DARS2: variants seen among roughly 807,000 people sequenced by gnomAD.
DARS2 encodes aspartyl-tRNA synthetase 2, mitochondrial, also known as aspartate--tRNA ligase, mitochondrial.
A neutral mutation model predicts 83.0 loss-of-function variants in DARS2; 63 were observed. The ratio of observed to expected loss-of-function variants is 0.76; its 90% CI spans 0.62 to 0.94. The LOEUF is 0.94. Among genes scored for constraint, DARS2 ranks in the 40% least tolerant of loss-of-function variants. The pLI, the probability that DARS2 is intolerant of heterozygous loss-of-function variation, is 0.00. For synonymous variants in DARS2, 250 were observed against 269.3 expected, an observed-to-expected ratio of 0.93 and a Z score of 0.70; for missense variants, 675 against 774.4, an observed-to-expected ratio of 0.87 and a Z score of 1.52.
Position 173,857,876 on chromosome 1 carries a change from T to C in DARS2, c.*171T>C, listed in dbSNP as rs972902827. ...GAAGAAACAGATAAAAGATACCCAATTTTGACTTGATTTCATGCATCATTT... is the reference window on the plus strand; with the variant it reads ...GAAGAAACAGATAAAAGATACCCAACTTTGACTTGATTTCATGCATCATTT... On this transcript the variant is annotated 3_prime_UTR_variant, in exon 17 of 17. Coordinates refer to ENST00000649689, the MANE Select transcript of DARS2 (RefSeq NM_018122.5). 8.9e-5 allele frequency: 66 copies of C among 739,294 alleles called. 1 individual carries two copies. The South Asian group carries it at 1.0e-3, about 11-fold the overall frequency. 45.8% of individuals were successfully genotyped at this position (739,294 alleles called of 1,614,324 possible). A position where few individuals can be genotyped will look rare whatever the true frequency, so the allele number is the denominator to read the frequency against.
intron 13 of DARS2, among the ~76,000 whole-genome samples, chr1:173,852,796 C>G (rs1220057993): frequency 1.3e-5 from 2 of 152,122 alleles, no homozygotes; most frequent in Non-Finnish European, 2.9e-5. Flanking sequence ...AGCCACTGCA[C>G]CCCTCCGCAC....
rs746694330 is a variant in DARS2, at chr1:173,837,037, G to A, written c.761G>A (p.Gly254Asp). 6.2e-6 allele frequency: 10 copies of A among 1,613,628 alleles called. No individual in the cohort carries two copies. In the South Asian group the frequency reaches 9.9e-5, roughly 16 times the overall value. ...TTTAAGCAACTTCTGATGGTTGGCG[G>A]TTTAGACAGGTGAGCTTTTTTTATG... ...QQFKQLLMVG[G>D]LDRYFQVARC... Residue 254 changes from glycine to aspartate, a missense_variant, in exon 8 of 17, where the codon GGT becomes GAT. Gly to Asp is a moderately conservative substitution (Grantham distance 94, BLOSUM62 -1). Coordinates refer to ENST00000649689, the MANE Select transcript of DARS2 (RefSeq NM_018122.5).
intron 2 of DARS2, 128 bp downstream of exon 2, chr1:173,826,914 C>G (rs954714228): frequency 1.3e-6 from 1 of 751,870 alleles, no homozygotes; most frequent in African/African-American, 1.7e-5. Context: ...TAAGAACTTA[C>G]TGAATTTTCA....
intron 6 of DARS2, among the ~76,000 whole-genome samples, chr1:173,834,064 T>C (rs1481837599): frequency 1.3e-5 from 2 of 152,062 alleles, no homozygotes; most frequent in Non-Finnish European, 2.9e-5. Flanking sequence ...ACCCAGCCAG[T>C]TTTCTTAATT....
chr1:173,850,224 C>T, intron 12 of DARS2, 103 bp from the exon 13 acceptor site: 4 of 1,270,768 alleles, frequency 3.1e-6, no homozygotes, highest in Non-Finnish European at 4.3e-6. Context: ...CTTTTAAATT[C>T]TCTTCTATTG....
At chr1:173,831,354 C>A (rs570742976) in intron 4 of DARS2, among the ~76,000 whole-genome samples, 181 bp from the exon 5 acceptor site, 6 of 152,138 alleles carry the variant, frequency 3.9e-5, no homozygotes, top group Non-Finnish European at 8.8e-5. Flanking sequence ...GATATCTGAA[C>A]ACATCAGCCA....
intron 13 of DARS2, chr1:173,852,376 AT>A: frequency 1.9e-6 from 1 of 528,992 alleles, no homozygotes; most frequent in Non-Finnish European, 2.4e-6. Flanking sequence ...TACTGTTGCT[AT>A]TTTAAAAATA....
intron 12 of DARS2, among the ~76,000 whole-genome samples, chr1:173,849,320 A>G (rs571658345): frequency 2.0e-5 from 3 of 151,848 alleles, no homozygotes; most frequent in Non-Finnish European, 4.4e-5. Flanking sequence ...GATCGCTTGA[A>G]GTCAGGAGTT....
intron 6 of DARS2, 47 bp from the exon 7 acceptor site, chr1:173,834,426 A>G (rs1424518959): frequency 2.1e-6 from 3 of 1,441,696 alleles, no homozygotes; most frequent in Non-Finnish European, 2.0e-6. Context: ...ATATATGACA[A>G]ATTTCACATT....
intron 7 of DARS2, among the ~76,000 whole-genome samples, chr1:173,836,181 T>C (rs1287935188): frequency 1.3e-5 from 2 of 151,952 alleles, no homozygotes; most frequent in East Asian, 3.9e-4. Context: ...GATTGTACCA[T>C]TGCACTCCAA....
intron 11 of DARS2, among the ~76,000 whole-genome samples, chr1:173,842,284 CTTTTTTTTTTTTTTT>C (rs1178547914): frequency 1.4e-3 from 90 of 64,258 alleles, no homozygotes; most frequent in African/African-American, 5.5e-3. Context: ...TCATTACTTT[CTTTTTTTTTTTTTTT>C]TTTTTTTTTT....
At chr1:173,830,556 T>C in intron 3 of DARS2, 104 bp from the exon 4 acceptor site, 1 of 935,928 alleles carries the variant, frequency 1.1e-6, no homozygotes, top group Non-Finnish European at 1.7e-6. Flanking sequence ...TTTATGGTAA[T>C]TAAGCTGTGA....
At chr1:173,835,689 C>A (rs1557856857) in intron 7 of DARS2, among the ~76,000 whole-genome samples, 1 of 151,840 alleles carries the variant, frequency 6.6e-6, no homozygotes, top group Non-Finnish European at 1.5e-5. Context: ...GGGCAGATCA[C>A]CTGAGGTCAG....
chr1:173,829,016 ATACTC>A (rs1029254485), intron 3 of DARS2, among the ~76,000 whole-genome samples: 10 of 152,314 alleles, frequency 6.6e-5, no homozygotes, highest in South Asian at 6.2e-4. Context: ...TTACAATACA[ATACTC>A]TACTCAGCCG....
At chr1:173,830,818 G>A (rs146039643) in intron 4 of DARS2, 57 bp downstream of exon 4, 2 of 1,316,698 alleles carry the variant, frequency 1.5e-6, no homozygotes, top group South Asian at 1.2e-5. Flanking sequence ...TGCACCATCT[G>A]TGTACACATT....
intron 12 of DARS2, among the ~76,000 whole-genome samples, chr1:173,847,922 G>T (rs1327650752): frequency 6.9e-6 from 1 of 143,950 alleles, no homozygotes. Flanking sequence ...GTGCCATCTC[G>T]GCTCACTGCA....
intron 7 of DARS2, among the ~76,000 whole-genome samples, chr1:173,834,763 G>GTTTTTTTTTTTTTTTTTTTTTTTTTTTTT (rs1652932155): frequency 4.1e-5 from 1 of 24,294 alleles, no homozygotes; most frequent in Non-Finnish European, 6.7e-5. Flanking sequence ...TTTTTGGTTT[G>GTTTTTTTTTTTTTTTTTTTTTTTTTTTTT]TTTTGGGTTT....
At chr1:173,837,946 C>T (rs565909952) in intron 8 of DARS2, among the ~76,000 whole-genome samples, 18 of 151,990 alleles carry the variant, frequency 1.2e-4, no homozygotes, top group South Asian at 2.1e-4. Flanking sequence ...AGCTAATTTT[C>T]GTATTTTTAG....
At chr1:173,836,345 G>T (rs1653004221) in intron 7 of DARS2, among the ~76,000 whole-genome samples, 1 of 151,930 alleles carries the variant, frequency 6.6e-6, no homozygotes. Context: ...TTCAAGACCA[G>T]CCTGGCCAAC....
Sources: gnomAD v4.1 joint callset for allele counts (sites outside exome capture counted in the v4.1 genomes callset) on GRCh38, gnomAD v4.1.1 for gene constraint, MANE v1.5 for transcripts, NCBI Gene and HGNC (gene_info 2026-07-23, HGNC 2026-07-21) for gene names.